The following ACOT11 variants were observed in gnomAD, a reference collection of about 807,000 sequenced individuals.
The protein encoded by ACOT11 is acyl-CoA thioesterase 11, also known as acyl-coenzyme A thioesterase 11.
Under a neutral mutation model 77.5 loss-of-function variants are expected in ACOT11, and 69 were observed. The ratio of observed to expected loss-of-function variants is 0.89; its 90% confidence interval spans 0.73 to 1.09. The LOEUF is 1.09. Among genes scored for constraint, ACOT11 ranks in the 50% least tolerant of loss-of-function variants. The pLI, the probability that ACOT11 is intolerant of heterozygous loss-of-function variation, is 0.00. For synonymous variants in ACOT11, 279 were observed against 313.0 expected (o/e 0.89, Z 1.15); for missense variants, 766 against 813.7 (o/e 0.94, Z 0.71).
chr1:54,636,726 A>C (rs185106510), exon 17 of ACOT11: 1 of 152,538 alleles, frequency 6.6e-6, no homozygotes, highest in Non-Finnish European at 1.5e-5. Flanking sequence ...ATTTCAGACT[A>C]TCACATGGGG....
chr1:54,609,356 G>A lies in ACOT11; in HGVS notation c.*244G>A, dbSNP rs773283147. 2 of 1,614,170 alleles carry A rather than the reference G, an allele frequency of 1.2e-6. No individual in the cohort carries two copies. The highest frequency in any genetic ancestry group is 1.6e-4 in the Middle Eastern group (1 of 6,062). On this transcript the variant is annotated 3_prime_UTR_variant, in exon 16 of 16. Coordinates refer to ENST00000343744, the MANE Select transcript of ACOT11 (RefSeq NM_147161.4). The stretch of plus-strand genomic sequence containing the variant: ...TCGGGTCCTGTCCACAGCCCTAGCT[G>A]CCAGCAATGCTGTCCTCACAGAGGC...
At chr1:54,568,871 C>T (rs777845403) in intron 1 of ACOT11, among the ~76,000 whole-genome samples, 4 of 152,084 alleles carry the variant, frequency 2.6e-5, no homozygotes, top group Non-Finnish European at 5.9e-5. Context: ...CTCAGCCTTC[C>T]GAGTGGCTGG....
intron 1 of ACOT11, among the ~76,000 whole-genome samples, chr1:54,570,708 G>A (rs1653902122): frequency 1.3e-5 from 2 of 148,612 alleles, no homozygotes; most frequent in South Asian, 2.1e-4. Context: ...ACAGAGTCTC[G>A]CCCTGTTGCC....
chr1:54,551,265 T>TG (rs1475024657), intron 1 of ACOT11, among the ~76,000 whole-genome samples: 1 of 152,096 alleles, frequency 6.6e-6, no homozygotes, highest in African/African-American at 2.4e-5. Context: ...TTTGCATGGT[T>TG]GGGGGCCATT....
chr1:54,559,123 T>C (rs1158750729), intron 1 of ACOT11, among the ~76,000 whole-genome samples: 1 of 152,188 alleles, frequency 6.6e-6, no homozygotes, highest in African/African-American at 2.4e-5. Flanking sequence ...GACCCAGAGC[T>C]CTCATCTGCT....
intron 6 of ACOT11, among the ~76,000 whole-genome samples, chr1:54,596,320 G>A (rs1654896307): frequency 6.6e-6 from 1 of 152,014 alleles, no homozygotes; most frequent in African/African-American, 2.4e-5. Flanking sequence ...CAAGCCAAGG[G>A]CAATGCCAGC....
chr1:54,553,107 G>T (rs1653129607), intron 1 of ACOT11, among the ~76,000 whole-genome samples: 1 of 150,400 alleles, frequency 6.6e-6, no homozygotes, highest in African/African-American at 2.4e-5. Context: ...GATTACAGGC[G>T]TGAACCACCA....
intron 15 of ACOT11, among the ~76,000 whole-genome samples, chr1:54,627,281 A>G (rs1255778319): frequency 7.4e-6 from 1 of 135,028 alleles, no homozygotes; most frequent in Non-Finnish European, 1.7e-5. Context: ...TCCCTGGGAA[A>G]GAGGCCGGCG....
intron 15 of ACOT11, chr1:54,619,935 C>G (rs115445569): frequency 2.5e-6 from 4 of 1,614,104 alleles, no homozygotes; most frequent in Non-Finnish European, 3.4e-6. Flanking sequence ...GGCATCTCGC[C>G]GGCTGATCTG....
chr1:54,610,530 G>A (rs766811270), downstream of ACOT11: 3 of 1,613,060 alleles, frequency 1.9e-6, no homozygotes, highest in African/African-American at 4.0e-5. Context: ...CTCCCGTGTA[G>A]TACATTGGTT....
At chr1:54,619,940 G>A in intron 15 of ACOT11, 1 of 1,614,188 alleles carries the variant, frequency 6.2e-7, no homozygotes, top group East Asian at 2.2e-5. Context: ...CTCGCCGGCT[G>A]ATCTGGCCCA....
At chr1:54,572,405 C>T (rs1310522124) in intron 1 of ACOT11, among the ~76,000 whole-genome samples, 1 of 152,096 alleles carries the variant, frequency 6.6e-6, no homozygotes, top group Non-Finnish European at 1.5e-5. Context: ...CAGGCAGCAG[C>T]CTTGGCTGTC....
chr1:54,549,931 G>A (rs951726972), intron 1 of ACOT11, among the ~76,000 whole-genome samples: 1 of 152,204 alleles, frequency 6.6e-6, no homozygotes, highest in Non-Finnish European at 1.5e-5. Flanking sequence ...CTGGGGGCAA[G>A]GCACTGGGGA....
intron 15 of ACOT11, among the ~76,000 whole-genome samples, chr1:54,629,107 T>A (rs1162887650): frequency 1.6e-5 from 2 of 123,618 alleles, no homozygotes; most frequent in Non-Finnish European, 3.6e-5. Flanking sequence ...AATCCAGGCC[T>A]CAAGGAATTG....
chr1:54,573,349 G>A (rs1013399429), intron 1 of ACOT11: 2 of 549,234 alleles, frequency 3.6e-6, no homozygotes, highest in African/African-American at 4.1e-5. Context: ...TACCTTTTCT[G>A]AGACTTTGTT....
exon 17 of ACOT11, chr1:54,635,784 G>A (rs1250436772): frequency 1.3e-5 from 2 of 154,220 alleles, no homozygotes; most frequent in African/African-American, 4.8e-5. Context: ...AGGGAGACAT[G>A]TTGGGAGCAA....
At chr1:54,553,420 A>G (rs1653141157) in intron 1 of ACOT11, among the ~76,000 whole-genome samples, 1 of 151,502 alleles carries the variant, frequency 6.6e-6, no homozygotes, top group South Asian at 2.1e-4. Flanking sequence ...GTGAGCCGAG[A>G]TCGCGCCACT....
At chr1:54,554,448 C>T (rs1000094973) in intron 1 of ACOT11, among the ~76,000 whole-genome samples, 3 of 149,762 alleles carry the variant, frequency 2.0e-5, no homozygotes, top group Middle Eastern at 3.2e-3. Flanking sequence ...AGCTCCTGGG[C>T]TCAAGCAAGC....
chr1:54,592,637 G>A, intron 4 of ACOT11, 31 bp downstream of exon 4: 1 of 1,610,260 alleles, frequency 6.2e-7, no homozygotes, highest in Non-Finnish European at 8.5e-7. Flanking sequence ...TTGGGAGTGG[G>A]TGCGTGGGTG....
Sources: gnomAD v4.1 joint callset for allele counts (sites outside exome capture counted in the v4.1 genomes callset) on GRCh38, gnomAD v4.1.1 for gene constraint, MANE v1.5 for transcripts, NCBI Gene and HGNC (gene_info 2026-07-23, HGNC 2026-07-21) for gene names.